The following PCDHGA5 variants were observed in gnomAD, a reference collection of about 807,000 sequenced individuals.
The protein encoded by PCDHGA5 is protocadherin gamma subfamily A, 5, also known as protocadherin gamma-A5.
PCDHGA5 carries 36 observed loss-of-function variants against 56.7 expected under a neutral mutation model. The observed-to-expected ratio is 0.64, with a 90% confidence interval of 0.49 to 0.84. PCDHGA5 has a LOEUF of 0.84. Ranked by LOEUF, PCDHGA5 falls within the 40% of genes least tolerant of loss-of-function variation. The pLI, the probability that PCDHGA5 is intolerant of heterozygous loss-of-function variation, is 0.00. For synonymous variants in PCDHGA5, 563 were observed against 520.2 expected, an observed-to-expected ratio of 1.08 and a Z score of -1.12; for missense variants, 1,305 against 1,201.5, an observed-to-expected ratio of 1.09 and a Z score of -1.27.
chr5:141,384,283 G>C (rs762515266), intron 1 of PCDHGA5: 19 of 1,613,644 alleles, frequency 1.2e-5, no homozygotes, highest in South Asian at 2.2e-5. Flanking sequence ...AGTCTACATC[G>C]CTGAGAACAA....
In PCDHGA5 at chr5:141,427,784, G is replaced by A. The variant is rs750188824; in HGVS notation, c.2421+61033G>A. 6.8e-6 allele frequency: 10 copies of A among 1,470,180 alleles called. No homozygotes were observed. The Admixed American group carries it at 1.3e-4, about 20-fold the overall frequency. 91.1% of individuals were successfully genotyped at this position (1,470,180 alleles called of 1,614,324 possible). Reference sequence around the variant, plus strand: ...CTGACTTGGAGCTGCGGGCACTGTCGTCCTACGTGTCCGTGAGCGCACAGA... The same window carrying A: ...CTGACTTGGAGCTGCGGGCACTGTCATCCTACGTGTCCGTGAGCGCACAGA... On this transcript the variant is annotated intron_variant, in intron 1 of 3. Coordinates refer to ENST00000518069, the MANE Select transcript of PCDHGA5 (RefSeq NM_018918.3).
chr5:141,413,815 C>T (rs1357769705), intron 1 of PCDHGA5: 11 of 1,613,224 alleles, frequency 6.8e-6, no homozygotes, highest in Non-Finnish European at 8.5e-6. Flanking sequence ...CATTCACCAC[C>T]TGGTCCTCAC....
intron 3 of PCDHGA5, among the ~76,000 whole-genome samples, chr5:141,506,444 C>T (rs542906499): frequency 2.1e-5 from 2 of 95,022 alleles, no homozygotes; most frequent in South Asian, 3.6e-4. Flanking sequence ...CGCTCTGTCT[C>T]AAAAAAAAAA....
At chr5:141,419,394 G>A (rs778450240) in intron 1 of PCDHGA5, 2 of 1,613,612 alleles carry the variant, frequency 1.2e-6, no homozygotes, top group East Asian at 2.2e-5. Flanking sequence ...GCGCAGAGCG[G>A]GGTGGTGTTC....
At chr5:141,481,722 G>A (rs546676646) in intron 1 of PCDHGA5, among the ~76,000 whole-genome samples, 1 of 152,214 alleles carries the variant, frequency 6.6e-6, no homozygotes, top group African/African-American at 2.4e-5. Flanking sequence ...GGGAGGCGGA[G>A]GCGGGCGGAT....
intron 1 of PCDHGA5, chr5:141,421,791 TG>T (rs1561796446): frequency 6.2e-7 from 1 of 1,613,792 alleles, no homozygotes; most frequent in Non-Finnish European, 8.5e-7. Flanking sequence ...GCAGAACGGA[TG>T]GGGCCAAGAA....
rs956295940 is a variant in PCDHGA5 at position 141,477,700 on chromosome 5, G to T, written c.2422-17107G>T. The T allele has an allele frequency of 1.2e-6, 2 of 1,613,954 alleles. No individual in the cohort carries two copies. Among genetic ancestry groups the T allele is most frequent in the African/African-American group, 2.7e-5 (2 of 74,928 alleles). On this transcript the variant is annotated intron_variant, in intron 1 of 3. Coordinates refer to ENST00000518069, the MANE Select transcript of PCDHGA5 (RefSeq NM_018918.3). This position sits in a 1 kb window ranked among gnomAD's most constrained non-coding sequence, Gnocchi z 4.9. ...CATCCTTAGTGCCCCTAGACTATGAGGATCGGCGGGAATTTGAATTAACAG... is the reference window on the plus strand; with the variant it reads ...CATCCTTAGTGCCCCTAGACTATGATGATCGGCGGGAATTTGAATTAACAG...
intron 1 of PCDHGA5, chr5:141,398,604 T>A: frequency 6.2e-7 from 1 of 1,614,048 alleles, no homozygotes; most frequent in Non-Finnish European, 8.5e-7. Flanking sequence ...TAGCAGAAGA[T>A]GCAGATATTG....
chr5:141,428,304 G>C, intron 1 of PCDHGA5: 1 of 695,706 alleles, frequency 1.4e-6, no homozygotes, highest in South Asian at 1.6e-5. Flanking sequence ...AGATTTACCT[G>C]GTCGTGGCCT....
At chr5:141,421,069 AGATG>A in intron 1 of PCDHGA5, 1 of 598,532 alleles carries the variant, frequency 1.7e-6, no homozygotes, top group Non-Finnish European at 2.8e-6. Context: ...AAGCGGAATG[AGATG>A]GATACTCACA....
chr5:141,379,805 G>T (rs183993206), intron 1 of PCDHGA5, among the ~76,000 whole-genome samples: 71 of 149,374 alleles, frequency 4.8e-4, no homozygotes, highest in African/African-American at 1.7e-3. Flanking sequence ...GAGGTTTTGA[G>T]AGTTCAGTAT....
chr5:141,450,755 G>A (rs556795021), intron 1 of PCDHGA5, among the ~76,000 whole-genome samples: 8 of 152,040 alleles, frequency 5.3e-5, no homozygotes, highest in Admixed American at 1.3e-4. Context: ...CCAAAGTGCC[G>A]GGATTACAGG....
chr5:141,366,831 A>G, intron 1 of PCDHGA5, 80 bp downstream of exon 1: 1 of 1,522,238 alleles, frequency 6.6e-7, no homozygotes, highest in Non-Finnish European at 8.8e-7. Flanking sequence ...ATTCAGAATC[A>G]GCTAGTTATG....
chr5:141,414,592 G>T, intron 1 of PCDHGA5: 1 of 1,613,920 alleles, frequency 6.2e-7, no homozygotes, highest in Non-Finnish European at 8.5e-7. Flanking sequence ...CGCCAGGGGT[G>T]CCTCCATCTT....
At chr5:141,395,516 G>A (rs1402459220) in intron 1 of PCDHGA5, 1 of 407,820 alleles carries the variant, frequency 2.5e-6, no homozygotes, top group Non-Finnish European at 4.4e-6. Context: ...GTAGCTACCC[G>A]TCCATACTGG....
chr5:141,384,221 A>C, intron 1 of PCDHGA5: 1 of 1,613,936 alleles, frequency 6.2e-7, no homozygotes, highest in Non-Finnish European at 8.5e-7. Flanking sequence ...ATATTCATGC[A>C]GGTGGCAGAC....
chr5:141,511,351 C>T lies in PCDHGA5; in HGVS notation c.*178C>T. The T allele has an allele frequency of 3.6e-6, 5 of 1,386,550 alleles. No individual in the cohort carries two copies. Among genetic ancestry groups the T allele is most frequent in the South Asian group, 1.5e-5 (1 of 67,154 alleles). The allele number at this position is 1,386,550 out of a possible 1,614,324, so 85.9% of individuals were successfully genotyped here. On this transcript the variant is annotated 3_prime_UTR_variant, in exon 4 of 4. Transcript: ENST00000518069. ...CCAGTCAGCACCTACCCCTTCCCCC[C>T]CAGGGGGTTGAATATGCAAAAGCAG...
At chr5:141,492,132 C>A (rs1289132641) in intron 1 of PCDHGA5, among the ~76,000 whole-genome samples, 3 of 152,220 alleles carry the variant, frequency 2.0e-5, no homozygotes, top group African/African-American at 4.8e-5. Context: ...CAGCTCCCAG[C>A]ATCTGTGACT....
chr5:141,481,065 AAAAG>A (rs1476331686), intron 1 of PCDHGA5, among the ~76,000 whole-genome samples: 1 of 152,164 alleles, frequency 6.6e-6, no homozygotes, highest in Non-Finnish European at 1.5e-5. Flanking sequence ...CTCAAAAACA[AAAAG>A]AAAGAAAGAA....
Sources: gnomAD v4.1 joint callset for allele counts (sites outside exome capture counted in the v4.1 genomes callset) on GRCh38, gnomAD v4.1.1 for gene constraint, Gnocchi (gnomAD v3.1) non-coding constraint, MANE v1.5 for transcripts, NCBI Gene and HGNC (gene_info 2026-07-23, HGNC 2026-07-21) for gene names.